SOHLH2: variants seen among roughly 807,000 people sequenced by gnomAD.
The protein encoded by SOHLH2 is spermatogenesis and oogenesis specific basic helix-loop-helix 2.
SOHLH2 carries 22 observed loss-of-function variants against 50.4 expected under a neutral mutation model. The observed-to-expected ratio is 0.44, with a 90% CI of 0.31 to 0.62. SOHLH2 has a LOEUF of 0.62. SOHLH2 is among the 20% of genes least tolerant of loss of function. The pLI, the probability that SOHLH2 is intolerant of heterozygous loss-of-function variation, is 0.08. For synonymous variants in SOHLH2, 185 were observed against 187.3 expected (o/e 0.99, Z 0.10); for missense variants, 412 against 504.4 (o/e 0.82, Z 1.76).
rs757447296 is a variant in SOHLH2, at chr13:36,174,604, C to T, written c.790-37G>A. 2.5e-6 allele frequency: 4 copies of T among 1,610,912 alleles called. No homozygotes were observed. The African/African-American group carries it at 5.4e-5, about 22-fold the overall frequency. ...AGAAATATATTTAGGTAGATACCGACATTTTTACATAGATACAAAGACACA... is the reference window on the plus strand; with the variant it reads ...AGAAATATATTTAGGTAGATACCGATATTTTTACATAGATACAAAGACACA... On this transcript the variant is annotated intron_variant, in intron 7 of 10. Transcript: ENST00000379881.
chr13:36,212,416 A>C (rs914622484), intron 1 of SOHLH2, among the ~76,000 whole-genome samples: 2 of 152,244 alleles, frequency 1.3e-5, no homozygotes, highest in African/African-American at 4.8e-5. Context: ...TTAACAGAAT[A>C]GTTTATAATC....
At chr13:36,195,498 G>A (rs1257799784) in intron 2 of SOHLH2, among the ~76,000 whole-genome samples, 1 of 152,162 alleles carries the variant, frequency 6.6e-6, no homozygotes, top group Non-Finnish European at 1.5e-5. Context: ...TTAGGCCACA[G>A]GAAAGGTTTG....
intron 2 of SOHLH2, among the ~76,000 whole-genome samples, chr13:36,199,191 A>G (rs981568665): frequency 3.3e-5 from 5 of 152,186 alleles, no homozygotes; most frequent in Admixed American, 1.3e-4. Flanking sequence ...AACTGGAAAC[A>G]TCCTCTACAG....
intron 2 of SOHLH2, among the ~76,000 whole-genome samples, chr13:36,197,165 G>C (rs1887758611): frequency 6.6e-6 from 1 of 152,138 alleles, no homozygotes; most frequent in Non-Finnish European, 1.5e-5. Flanking sequence ...TGTCTCTTGT[G>C]TTTGCAATTT....
intron 6 of SOHLH2, among the ~76,000 whole-genome samples, chr13:36,184,343 A>G (rs1474548598): frequency 6.6e-6 from 1 of 152,152 alleles, no homozygotes; most frequent in African/African-American, 2.4e-5. Flanking sequence ...GATGAGATGC[A>G]GCTGAAGCAA....
intron 4 of SOHLH2, 29 bp from the exon 5 acceptor site, chr13:36,191,923 T>C (rs192847150): frequency 6.2e-7 from 1 of 1,612,726 alleles, no homozygotes; most frequent in East Asian, 2.2e-5. Flanking sequence ...GAACTATTTA[T>C]TTCTGAAGTC....
chr13:36,191,780 G>T lies in SOHLH2; in HGVS notation c.530+15C>A, dbSNP rs1329847918. The T allele has an allele frequency of 1.9e-6, 3 of 1,612,588 alleles. No homozygotes were observed. The highest frequency in any genetic ancestry group is 2.2e-5 in the East Asian group (1 of 44,854). On this transcript the variant is annotated intron_variant, in intron 5 of 10. Transcript: ENST00000379881. Reference sequence around the variant, plus strand: ...CTAAAAATATTGCTATTATGAAAAAGAACAAAAAACTAACCAGGCAAATAG... The same window carrying T: ...CTAAAAATATTGCTATTATGAAAAATAACAAAAAACTAACCAGGCAAATAG...
At chr13:36,201,619 A>C (rs1383984234) in intron 2 of SOHLH2, among the ~76,000 whole-genome samples, 1 of 151,890 alleles carries the variant, frequency 6.6e-6, no homozygotes, top group Non-Finnish European at 1.5e-5. Flanking sequence ...GGTGCATGTC[A>C]CCATGCCCGG....
rs1238269323 is a variant in SOHLH2 at position 36,174,574 on chromosome 13, A to C, written c.790-7T>G. The C allele has an allele frequency of 1.2e-6, 2 of 1,613,892 alleles. No individual in the cohort carries two copies. The highest frequency in any genetic ancestry group is 1.7e-6 in the Non-Finnish European group (2 of 1,180,000). ...TCTGAAGTGCTTCTGTAATCTAAAAAACACAGAAATATATTTAGGTAGATA... is the reference window on the plus strand; with the variant it reads ...TCTGAAGTGCTTCTGTAATCTAAAACACACAGAAATATATTTAGGTAGATA... On this transcript the variant is annotated splice_polypyrimidine_tract_variant and splice_region_variant and intron_variant, in intron 7 of 10. Transcript: ENST00000379881.
intron 6 of SOHLH2, chr13:36,182,348 A>G (rs7334592): frequency 0.77 from 734,788 of 949,004 alleles, 285,146 homozygotes; most frequent in East Asian, 1. Context: ...TTTCTCCAAC[A>G]AAGAGTCAGG....
chr13:36,203,954 G>GTTTTTTTTTTTTTTTTTT (rs3080977), intron 1 of SOHLH2, among the ~76,000 whole-genome samples: 1 of 111,128 alleles, frequency 9.0e-6, no homozygotes, highest in Non-Finnish European at 1.8e-5. Flanking sequence ...CTTTTTTTTT[G>GTTTTTTTTTTTTTTTTTT]TTTTTTTTTT....
intron 6 of SOHLH2, among the ~76,000 whole-genome samples, chr13:36,189,085 G>A (rs777265418): frequency 1.3e-5 from 2 of 152,098 alleles, no homozygotes; most frequent in Non-Finnish European, 2.9e-5. Context: ...CTTATCCTTA[G>A]CCATGCTCAT....
chr13:36,176,689 C>T (rs1887104406), intron 6 of SOHLH2, among the ~76,000 whole-genome samples: 2 of 151,982 alleles, frequency 1.3e-5, no homozygotes, highest in South Asian at 2.1e-4. Context: ...GAAAAGGTGC[C>T]ACTATCTCAT....
intron 9 of SOHLH2, among the ~76,000 whole-genome samples, chr13:36,171,063 G>A (rs536075908): frequency 1.7e-4 from 26 of 152,176 alleles, no homozygotes; most frequent in South Asian, 6.2e-4. Context: ...GAATGTGCAC[G>A]TCAATCAAAA....
At chr13:36,182,069 C>T in intron 6 of SOHLH2, 1 of 983,924 alleles carries the variant, frequency 1.0e-6, no homozygotes, top group Non-Finnish European at 1.2e-6. Context: ...TTTGACAGGC[C>T]TAGAGCAGCT....
Position 36,168,854 on chromosome 13 carries a change from G to A in SOHLH2, c.*180C>T, listed in dbSNP as rs1030827232. 1.8e-5 allele frequency: 19 copies of A among 1,065,612 alleles called. No homozygotes were observed. The highest frequency in any genetic ancestry group is 6.6e-5 in the African/African-American group (4 of 60,854). The allele number at this position is 1,065,612 out of a possible 1,614,324, so 66.0% of individuals were successfully genotyped here. ...GTGACAGTGTGTGGCCAGCTTTTTC[G>A]CTGCTGGTCTTTCTATCTGCAGAAG... On this transcript the variant is annotated 3_prime_UTR_variant, in exon 11 of 11. Coordinates refer to ENST00000379881, the MANE Select transcript of SOHLH2 (RefSeq NM_017826.3).
chr13:36,178,123 A>G (rs1277501975), intron 6 of SOHLH2, among the ~76,000 whole-genome samples: 1 of 151,938 alleles, frequency 6.6e-6, no homozygotes, highest in East Asian at 1.9e-4. Flanking sequence ...CCTAAGTTGC[A>G]ATAGCCACAT....
At chr13:36,203,441 C>T (rs1449068173) in intron 1 of SOHLH2, among the ~76,000 whole-genome samples, 3 of 152,062 alleles carry the variant, frequency 2.0e-5, no homozygotes, top group South Asian at 2.1e-4. Context: ...TCCTTATTTT[C>T]GATGATGACA....
In SOHLH2 at chr13:36,174,757, T is replaced by C. The variant is rs1415036607; in HGVS notation, c.754A>G (p.Ile252Val). 6.2e-7 allele frequency: 1 copy of C among 1,610,692 alleles called. No homozygotes were observed. The highest frequency in any genetic ancestry group is 2.2e-5 in the East Asian group (1 of 44,878). ...ACGGCTGGAGAGATTTTCTCCCGGA[T>C]ATATTTCACATAATCAACTGTTGCC... ...LEATVDYVKYIREKISPAVMA... is the reference protein window; with the variant it reads ...LEATVDYVKYVREKISPAVMA... Residue 252 changes from isoleucine (I) to valine (V), a missense_variant, in exon 7 of 11, where the codon ATC becomes GTC. Transcript: ENST00000379881.
Sources: allele counts gnomAD v4.1 joint callset (sites outside exome capture counted in the v4.1 genomes callset), GRCh38; gene constraint gnomAD v4.1.1; transcripts MANE v1.5; gene names NCBI Gene and HGNC (gene_info 2026-07-23, HGNC 2026-07-21).